SHANK1: variants seen among roughly 807,000 people sequenced by gnomAD.
SHANK1 encodes SH3 and multiple ankyrin repeat domains 1.
Under a neutral mutation model 165.6 loss-of-function variants are expected in SHANK1, and 35 were observed. The ratio of observed to expected loss-of-function variants is 0.21; its 90% CI spans 0.16 to 0.28. The LOEUF (loss-of-function observed/expected upper bound fraction) is 0.28. Ranked by LOEUF, SHANK1 falls within the 10% of genes least tolerant of loss-of-function variation. The pLI is 1.00. For missense variants in SHANK1, 2,681 were observed against 3,036.4 expected (o/e 0.88, Z 2.75); for synonymous variants, 1,428 against 1,384.8 (o/e 1.03, Z -0.69).
At chr19:50,665,863 A>G (rs951198889) in intron 23 of SHANK1, among the ~76,000 whole-genome samples, 12 of 147,092 alleles carry the variant, frequency 8.2e-5, no homozygotes, top group South Asian at 4.3e-4. Flanking sequence ...GAGAAACCCC[A>G]TCTCTACTAA....
At chr19:50,708,067 C>A (rs2088967013) in intron 8 of SHANK1, among the ~76,000 whole-genome samples, 1 of 151,910 alleles carries the variant, frequency 6.6e-6, no homozygotes, top group Non-Finnish European at 1.5e-5. Flanking sequence ...CTGCCTCAGC[C>A]TCCCAAGTAG....
chr19:50,702,898 G>A lies in SHANK1; in HGVS notation c.1554-238C>T, dbSNP rs901772816. On this transcript the variant is annotated intron_variant, in intron 11 of 23. Transcript: ENST00000293441. This position sits in a 1 kb window ranked among gnomAD's most constrained non-coding sequence, Gnocchi z 5.3. ...CGGCTCTGCCCCCTCCCACGGTCCT[G>A]CGCGCACCGCCTGATTCAGCTTCCT... Among the ~76,000 whole-genome samples the A allele has an allele frequency of 4.0e-5, 6 of 151,834 alleles. No homozygotes were observed. Among genetic ancestry groups the A allele is most frequent in the African/African-American group, 1.2e-4 (5 of 41,298 alleles).
At chr19:50,700,527 G>A (rs1986886814) in intron 12 of SHANK1, among the ~76,000 whole-genome samples, 1 of 152,012 alleles carries the variant, frequency 6.6e-6, no homozygotes, top group African/African-American at 2.4e-5. Context: ...TGGGCAGAGA[G>A]GCAGCTTGGA....
Position 50,718,790 on chromosome 19 carries a change from G to A in SHANK1, c.-44+616C>T, listed in dbSNP as rs2089098395. On this transcript the variant is annotated intron_variant, in intron 1 of 23. Coordinates refer to ENST00000293441, the MANE Select transcript of SHANK1 (RefSeq NM_016148.5). This position sits in a 1 kb window ranked among gnomAD's most constrained non-coding sequence, Gnocchi z 5.1. ...GAGCCGAGGCTGGGAAACTGGTGGG[G>A]GAGAACCCGGCCGGGGAGAGGGGCG... is the stretch of plus-strand genomic sequence containing the variant. Among the ~76,000 whole-genome samples, 1 of 149,330 alleles carries A rather than the reference G, an allele frequency of 6.7e-6. No individual in the cohort carries two copies. Among genetic ancestry groups the A allele is most frequent in the Admixed American group, 6.6e-5 (1 of 15,072 alleles).
chr19:50,701,328 C>T (rs1986908510), intron 12 of SHANK1, among the ~76,000 whole-genome samples: 3 of 149,818 alleles, frequency 2.0e-5, no homozygotes, highest in South Asian at 4.3e-4. Flanking sequence ...ATTACAAGTG[C>T]GTGCCACCAC....
Position 50,662,705 on chromosome 19 carries a change from T to C in SHANK1, c.5769-23A>G. 8.1e-7 allele frequency: 1 copy of C among 1,234,756 alleles called. No homozygotes were observed. The highest frequency in any genetic ancestry group is 2.1e-5 in the South Asian group (1 of 47,956). The allele number at this position is 1,234,756 out of a possible 1,614,324, so 76.5% of individuals were successfully genotyped here. A position where few individuals can be genotyped will look rare whatever the true frequency, so the allele number is the denominator to read the frequency against. On this transcript the variant is annotated intron_variant, in intron 23 of 23. Transcript: ENST00000293441. The surrounding 1 kb of genome is among the most constrained non-coding windows in gnomAD (Gnocchi z 7.7). The stretch of plus-strand genomic sequence containing the variant: ...AGTCTGGAATGTGACAAGGGGGCAG[T>C]GGGGGAGGACAGGGATTTAGGGGGC...
intron 21 of SHANK1, among the ~76,000 whole-genome samples, chr19:50,679,524 G>C (rs1168897271): frequency 6.6e-6 from 1 of 152,142 alleles, no homozygotes; most frequent in Non-Finnish European, 1.5e-5. Flanking sequence ...ATTCGCTCCC[G>C]CGCAGAAGGG....
At chr19:50,676,847 G>C (rs183758386) in intron 21 of SHANK1, among the ~76,000 whole-genome samples, 2 of 152,262 alleles carry the variant, frequency 1.3e-5, no homozygotes, top group African/African-American at 4.8e-5. Context: ...AGGCCAACCG[G>C]GATGCCCAAG....
Position 50,702,758 on chromosome 19 carries a change from A to T in SHANK1, c.1554-98T>A. On this transcript the variant is annotated intron_variant, in intron 11 of 23. Transcript: ENST00000293441. This position sits in a 1 kb window ranked among gnomAD's most constrained non-coding sequence, Gnocchi z 5.3. ...GGGTGGGGGAAGAGGACGGTGCATC[A>T]GGGGGGAGGGGGGGTTTCCCAGCAC... 441 of 482,574 alleles carry T rather than the reference A, an allele frequency of 9.1e-4. No homozygotes were observed. Among genetic ancestry groups the T allele is most frequent in the Middle Eastern group, 1.3e-3 (2 of 1,494 alleles). The allele number at this position is 482,574 out of a possible 1,614,324, so 29.9% of individuals were successfully genotyped here.
chr19:50,689,459 C>T (rs1986473084), intron 15 of SHANK1, 180 bp from the exon 16 acceptor site: 1 of 701,126 alleles, frequency 1.4e-6, no homozygotes, highest in African/African-American at 1.8e-5. Context: ...TGATGGGCTT[C>T]CCCCTCAGAG....
intron 4 of SHANK1, among the ~76,000 whole-genome samples, chr19:50,715,148 A>T (rs1007473186): frequency 2.0e-5 from 3 of 152,078 alleles, no homozygotes; most frequent in Non-Finnish European, 4.4e-5. Context: ...GACACAGGAC[A>T]GACAGGGGCT....
intron 16 of SHANK1, 83 bp from the exon 17 acceptor site, chr19:50,689,051 G>C: frequency 1.7e-6 from 2 of 1,169,168 alleles, no homozygotes; most frequent in Non-Finnish European, 2.5e-6. Flanking sequence ...CCCAAGTCAC[G>C]GAGGCCTCAC....
intron 21 of SHANK1, among the ~76,000 whole-genome samples, chr19:50,672,555 C>CAAAAAAAA (rs3987747): frequency 0.01 from 351 of 34,268 alleles, 1 homozygote; most frequent in Middle Eastern, 0.034. Flanking sequence ...GACTCTGTCT[C>CAAAAAAAA]AAAAAAAAAA....
rs1985198060 is a variant in SHANK1, at chr19:50,661,114, C to T, written c.*851G>A. ...TGCAAGGGCTGAGCAAAGAGCAGGG[C>T]ACTCCAGAGAATGAATGATGTGCAT... On this transcript the variant is annotated 3_prime_UTR_variant, in exon 24 of 24. Transcript: ENST00000293441. Among the ~76,000 whole-genome samples, 1 of 151,902 alleles carries T rather than the reference C, an allele frequency of 6.6e-6. No homozygotes were observed. The highest frequency in any genetic ancestry group is 1.5e-5 in the Non-Finnish European group (1 of 67,984).
intron 21 of SHANK1, among the ~76,000 whole-genome samples, chr19:50,680,697 C>G (rs1401549908): frequency 1.3e-5 from 2 of 151,738 alleles, no homozygotes; most frequent in Non-Finnish European, 2.9e-5. Flanking sequence ...ACCCTGTCAC[C>G]CAGGCTGGAG....
Position 50,696,912 on chromosome 19 carries a change from G to A in SHANK1, c.1964+184C>T, listed in dbSNP as rs552061705. Among the ~76,000 whole-genome samples, 7 of 152,180 alleles carry A rather than the reference G, an allele frequency of 4.6e-5. No homozygotes were observed. The East Asian group carries it at 7.7e-4, about 17-fold the overall frequency. On this transcript the variant is annotated intron_variant, in intron 15 of 23. Transcript: ENST00000293441. ...AGAGCAGGGCAGACCCTCCAGCCCC[G>A]GGCATAGGTACAGGTACATCCAGGC...
Position 50,697,394 on chromosome 19 carries a change from C to T in SHANK1, c.1937+195G>A, listed in dbSNP as rs546682767. Among the ~76,000 whole-genome samples, 43 of 152,188 alleles carry T rather than the reference C, an allele frequency of 2.8e-4. 1 individual carries two copies. Among genetic ancestry groups the T allele is most frequent in the Non-Finnish European group, 1.2e-4 (8 of 68,032 alleles). ...TCTGGCTACCCCAGAGCTGGGCAGT[C>T]TTAGTGGCTGCCGAAGATGGTTTGG... is the stretch of plus-strand genomic sequence containing the variant. On this transcript the variant is annotated intron_variant, in intron 14 of 23. Transcript: ENST00000293441. The surrounding 1 kb of genome is among the most constrained non-coding windows in gnomAD (Gnocchi z 4.7).
Position 50,690,960 on chromosome 19 carries a change from C to T in SHANK1, c.1965-1681G>A, listed in dbSNP as rs1247208011. On this transcript the variant is annotated intron_variant, in intron 15 of 23. Transcript: ENST00000293441. This position sits in a 1 kb window ranked among gnomAD's most constrained non-coding sequence, Gnocchi z 4.9. ...ATGGCGACAGGGTTCTGGATGTGCACGTGTCCTCCCTTCCTGCTGCCACCC... is the reference window on the plus strand; with the variant it reads ...ATGGCGACAGGGTTCTGGATGTGCATGTGTCCTCCCTTCCTGCTGCCACCC... Among the ~76,000 whole-genome samples, 8 of 152,166 alleles carry T rather than the reference C, an allele frequency of 5.3e-5. No individual in the cohort carries two copies. The highest frequency in any genetic ancestry group is 1.9e-4 in the East Asian group (1 of 5,196).
rs1986419811 is a variant in SHANK1 at position 50,688,123 on chromosome 19, G to A, written c.2173-65C>T. On this transcript the variant is annotated intron_variant, in intron 17 of 23. Coordinates refer to ENST00000293441, the MANE Select transcript of SHANK1 (RefSeq NM_016148.5). This position sits in a 1 kb window ranked among gnomAD's most constrained non-coding sequence, Gnocchi z 6.7. ...GGGGAGGGGTGCTTGCAGCTTCAGA[G>A]ACCCCAAGGAGGATGCCTCCTGCGC... is the stretch of plus-strand genomic sequence containing the variant. The A allele has an allele frequency of 1.3e-6, 2 of 1,593,454 alleles. No homozygotes were observed. The highest frequency in any genetic ancestry group is 1.1e-5 in the South Asian group (1 of 89,594).
Sources: gnomAD v4.1 joint callset for allele counts (sites outside exome capture counted in the v4.1 genomes callset) on GRCh38, gnomAD v4.1.1 for gene constraint, Gnocchi (gnomAD v3.1) non-coding constraint, MANE v1.5 for transcripts, NCBI Gene and HGNC (gene_info 2026-07-23, HGNC 2026-07-21) for gene names.